The following ANK3 variants were observed in gnomAD, a reference collection of about 807,000 sequenced individuals.
ANK3 encodes ankyrin 3.
ANK3 carries 57 observed loss-of-function variants against 370.9 expected under a neutral mutation model. The ratio of observed to expected loss-of-function variants is 0.15; its 90% CI spans 0.12 to 0.19. ANK3 has a LOEUF of 0.19. Ranked by LOEUF, ANK3 falls within the 10% of genes least tolerant of loss-of-function variation. The pLI, the probability that ANK3 is intolerant of heterozygous loss-of-function variation, is 1.00. For missense variants in ANK3, 4,439 were observed against 5,302.1 expected, an observed-to-expected ratio of 0.84 and a Z score of 5.06; for synonymous variants, 1,929 against 1,946.3, an observed-to-expected ratio of 0.99 and a Z score of 0.23.
chr10:60,389,045 C>T (rs1451470251), intron 1 of ANK3, among the ~76,000 whole-genome samples: 1 of 152,154 alleles, frequency 6.6e-6, no homozygotes. Flanking sequence ...CTAAGAAGTA[C>T]AAAGCCTGGT....
intron 8 of ANK3, among the ~76,000 whole-genome samples, chr10:60,216,821 AAG>A (rs2096944666): frequency 6.6e-6 from 1 of 152,056 alleles, no homozygotes. Flanking sequence ...AATTGTTTGG[AAG>A]AGTTTCAGAA....
chr10:60,314,645 A>C (rs2047034019), intron 1 of ANK3, among the ~76,000 whole-genome samples: 1 of 152,176 alleles, frequency 6.6e-6, no homozygotes, highest in African/African-American at 2.4e-5. Context: ...CATGAGCTTC[A>C]CTTTCATCAA....
chr10:60,249,820 G>A (rs997117668), intron 7 of ANK3, among the ~76,000 whole-genome samples: 4 of 152,054 alleles, frequency 2.6e-5, no homozygotes, highest in Admixed American at 1.3e-4. Context: ...ACTGAGCACC[G>A]TGCTGACTCT....
At chr10:60,133,341 G>A (rs2094189960) in intron 25 of ANK3, among the ~76,000 whole-genome samples, 1 of 152,234 alleles carries the variant, frequency 6.6e-6, no homozygotes, top group Non-Finnish European at 1.5e-5. Context: ...TATCTGTGTA[G>A]TAATTATTCC....
chr10:60,042,009 C>T (rs958637854), intron 43 of ANK3, among the ~76,000 whole-genome samples: 2 of 152,164 alleles, frequency 1.3e-5, no homozygotes, highest in African/African-American at 4.8e-5. Context: ...CTTTCTTTTT[C>T]ACCCCATATG....
chr10:60,565,584 T>A (rs995077170), intron 2 of ANK3, among the ~76,000 whole-genome samples: 1 of 152,244 alleles, frequency 6.6e-6, no homozygotes, highest in Non-Finnish European at 1.5e-5. Flanking sequence ...TTCTTCTTTA[T>A]TGTATCTTGC....
chr10:60,052,231 G>T (rs896612702), intron 42 of ANK3, among the ~76,000 whole-genome samples: 4 of 152,224 alleles, frequency 2.6e-5, no homozygotes, highest in Admixed American at 2.6e-4. Flanking sequence ...AGGAGGCTGA[G>T]GCAGGAGAAT....
chr10:60,524,601 G>C (rs868732372), intron 2 of ANK3, among the ~76,000 whole-genome samples: 6 of 152,042 alleles, frequency 3.9e-5, no homozygotes, highest in Non-Finnish European at 8.8e-5. Flanking sequence ...TGATTGTCAG[G>C]CCTCCTCAGC....
At chr10:60,326,601 A>G (rs1458285667) in intron 1 of ANK3, among the ~76,000 whole-genome samples, 1 of 152,120 alleles carries the variant, frequency 6.6e-6, no homozygotes, top group South Asian at 2.1e-4. Context: ...CTCTCTGACC[A>G]TCGCTGCCAC....
intron 1 of ANK3, among the ~76,000 whole-genome samples, chr10:60,384,389 T>A (rs2061969706): frequency 6.6e-6 from 1 of 152,232 alleles, no homozygotes; most frequent in South Asian, 2.1e-4. Flanking sequence ...ATAAAGCCTG[T>A]CGTTTAAAGT....
intron 4 of ANK3, among the ~76,000 whole-genome samples, chr10:60,272,119 G>A (rs914952765): frequency 7.6e-5 from 10 of 131,638 alleles, no homozygotes; most frequent in African/African-American, 3.1e-4. Context: ...GTGTGTGTGT[G>A]TGTGTGTGCA....
chr10:60,060,115 A>G (rs1341173710), intron 40 of ANK3: 8 of 789,686 alleles, frequency 1.0e-5, no homozygotes, highest in Non-Finnish European at 1.3e-5. Context: ...ATGATGAATT[A>G]CAGATTAATG....
At chr10:60,281,831 A>G (rs1042525287) in intron 1 of ANK3, among the ~76,000 whole-genome samples, 1 of 152,188 alleles carries the variant, frequency 6.6e-6, no homozygotes, top group Non-Finnish European at 1.5e-5. Flanking sequence ...CACAGCTATT[A>G]CTTAAAATAA....
intron 7 of ANK3, among the ~76,000 whole-genome samples, chr10:60,254,675 A>G (rs2097711950): frequency 6.6e-6 from 1 of 152,134 alleles, no homozygotes; most frequent in Admixed American, 6.5e-5. Flanking sequence ...TGCCTCTGAC[A>G]TTGGGTTTGG....
At chr10:60,492,548 A>G (rs989988717) in intron 2 of ANK3, among the ~76,000 whole-genome samples, 9 of 151,436 alleles carry the variant, frequency 5.9e-5, no homozygotes, top group Admixed American at 5.9e-4. Flanking sequence ...TTAACCAAAA[A>G]TACAAAAAAT....
At chr10:60,168,526 A>C (rs1319706733) in intron 21 of ANK3, among the ~76,000 whole-genome samples, 1 of 151,964 alleles carries the variant, frequency 6.6e-6, no homozygotes, top group East Asian at 1.9e-4. Flanking sequence ...ACAATTTCTC[A>C]GACTTTCCTT....
chr10:60,410,234 G>T (rs1273062930), intron 2 of ANK3, among the ~76,000 whole-genome samples: 2 of 151,866 alleles, frequency 1.3e-5, no homozygotes, highest in African/African-American at 4.8e-5. Context: ...TTTGAGACCA[G>T]CCTGGGCAAC....
In ANK3 at chr10:60,042,585, G is replaced by A. The variant is rs893186904; in HGVS notation, c.*19+87C>T. The A allele has an allele frequency of 1.3e-5, 17 of 1,311,160 alleles. No homozygotes were observed. In the Admixed American group the frequency reaches 3.5e-4, roughly 27 times the overall value. 81.2% of individuals were successfully genotyped at this position (1,311,160 alleles called of 1,614,324 possible). ...TGAAATTCAGTGAAAAGGAAAGGAC[G>A]GGGAAAATCAGAATCACTTATTTAG... is the stretch of plus-strand genomic sequence containing the variant. On this transcript the variant is annotated intron_variant, in intron 43 of 43. Coordinates refer to ENST00000280772, the MANE Select transcript of ANK3 (RefSeq NM_020987.5).
intron 28 of ANK3, among the ~76,000 whole-genome samples, chr10:60,101,024 C>G (rs1039770914): frequency 6.6e-6 from 1 of 152,134 alleles, no homozygotes; most frequent in Non-Finnish European, 1.5e-5. Flanking sequence ...CTCAAGCAAT[C>G]CCCCCACCTC....
Sources: allele counts gnomAD v4.1 joint callset (sites outside exome capture counted in the v4.1 genomes callset), GRCh38; gene constraint gnomAD v4.1.1; transcripts MANE v1.5; gene names NCBI Gene and HGNC (gene_info 2026-07-23, HGNC 2026-07-21).